Variants in ATP11A observed in about 807,000 individuals in gnomAD.
ATP11A encodes ATPase phospholipid transporting 11A, also known as phospholipid-transporting ATPase IH.
Under a neutral mutation model 154.4 loss-of-function variants are expected in ATP11A, and 81 were observed. The observed-to-expected ratio is 0.52, with a 90% CI of 0.44 to 0.63. The LOEUF (loss-of-function observed/expected upper bound fraction) is 0.63. ATP11A is among the 30% of genes least tolerant of loss of function. The pLI is 0.00. For missense variants in ATP11A, 1,316 were observed against 1,474.3 expected, an observed-to-expected ratio of 0.89 and a Z score of 1.76; for synonymous variants, 623 against 585.9, an observed-to-expected ratio of 1.06 and a Z score of -0.91.
intron 28 of ATP11A, 129 bp from the exon 29 acceptor site, chr13:112,878,087 CT>C (rs1488812043): frequency 1.7e-5 from 15 of 858,164 alleles, no homozygotes; most frequent in Non-Finnish European, 2.3e-5. Context: ...TGGCGAGCCT[CT>C]GACTAACTCA....
At chr13:112,716,112 C>T (rs868230828) in intron 1 of ATP11A, among the ~76,000 whole-genome samples, 97 of 152,132 alleles carry the variant, frequency 6.4e-4, no homozygotes, top group African/African-American at 2.0e-3. Flanking sequence ...GTGGCTGCTC[C>T]GTCTTCTGAG....
At chr13:112,747,614 T>A (rs1372472254) in intron 1 of ATP11A, among the ~76,000 whole-genome samples, 2 of 152,192 alleles carry the variant, frequency 1.3e-5, no homozygotes, top group African/African-American at 2.4e-5. Flanking sequence ...GGCCGGCGGA[T>A]CACTTGAGGT....
chr13:112,869,021 A>C (rs1372024688), intron 25 of ATP11A, among the ~76,000 whole-genome samples: 2 of 152,048 alleles, frequency 1.3e-5, no homozygotes, highest in South Asian at 2.1e-4. Flanking sequence ...TCCATGATTC[A>C]GTCACCTCCC....
chr13:112,846,948 C>T (rs2079627050), intron 17 of ATP11A, among the ~76,000 whole-genome samples: 1 of 152,220 alleles, frequency 6.6e-6, no homozygotes, highest in Non-Finnish European at 1.5e-5. Flanking sequence ...CCACCCTCCT[C>T]CTAATGGCTT....
At chr13:112,872,918 G>A (rs61961595) in intron 26 of ATP11A, among the ~76,000 whole-genome samples, 2 of 129,072 alleles carry the variant, frequency 1.5e-5, no homozygotes, top group Non-Finnish European at 3.4e-5. Flanking sequence ...GTCTTCCTGA[G>A]CGGTGTGAGG....
intron 26 of ATP11A, 137 bp downstream of exon 26, chr13:112,871,937 C>G: frequency 1.1e-6 from 1 of 920,174 alleles, no homozygotes; most frequent in Non-Finnish European, 1.7e-6. Flanking sequence ...TTGGCTGGCT[C>G]CTGGGGCACC....
intron 1 of ATP11A, among the ~76,000 whole-genome samples, chr13:112,781,742 C>T (rs1279173864): frequency 3.9e-5 from 4 of 102,226 alleles, no homozygotes; most frequent in South Asian, 3.2e-4. Flanking sequence ...AGTAGCTGTT[C>T]TTTTATTCAT....
chr13:112,694,032 C>T (rs1456325347), intron 1 of ATP11A, among the ~76,000 whole-genome samples: 2 of 152,190 alleles, frequency 1.3e-5, no homozygotes, highest in Non-Finnish European at 2.9e-5. Context: ...TGAGCAACAC[C>T]GATTCAGGTA....
intron 1 of ATP11A, among the ~76,000 whole-genome samples, chr13:112,707,062 A>T (rs1013000515): frequency 6.6e-6 from 1 of 152,224 alleles, no homozygotes; most frequent in Non-Finnish European, 1.5e-5. Context: ...CATCAGCACC[A>T]CATTGGGCCC....
At chr13:112,780,782 A>C (rs1215854477) in intron 1 of ATP11A, among the ~76,000 whole-genome samples, 1 of 152,086 alleles carries the variant, frequency 6.6e-6, no homozygotes, top group Non-Finnish European at 1.5e-5. Flanking sequence ...AGTCATTAGG[A>C]AACCTGTTAC....
intron 8 of ATP11A, among the ~76,000 whole-genome samples, chr13:112,820,341 C>T (rs1042718839): frequency 1.3e-5 from 2 of 152,176 alleles, no homozygotes; most frequent in Admixed American, 6.5e-5. Flanking sequence ...ATTTGGAGGC[C>T]GTTTTTGGGA....
chr13:112,760,613 TC>T (rs1406100326), intron 1 of ATP11A, among the ~76,000 whole-genome samples: 2 of 152,220 alleles, frequency 1.3e-5, no homozygotes, highest in Non-Finnish European at 2.9e-5. Context: ...TATGCATTCA[TC>T]AGCTGGCCCT....
At chr13:112,705,928 G>A (rs2139527374) in intron 1 of ATP11A, among the ~76,000 whole-genome samples, 1 of 152,288 alleles carries the variant, frequency 6.6e-6, no homozygotes, top group African/African-American at 2.4e-5. Context: ...CCATTGTGAA[G>A]CGTACAGTTC....
chr13:112,773,597 G>A (rs1319159156), intron 1 of ATP11A, among the ~76,000 whole-genome samples: 1 of 152,226 alleles, frequency 6.6e-6, no homozygotes, highest in Non-Finnish European at 1.5e-5. Context: ...TGTGGCGGAT[G>A]GGGGTCCCAG....
At chr13:112,796,205 C>A (rs904487601) in intron 2 of ATP11A, among the ~76,000 whole-genome samples, 1 of 152,196 alleles carries the variant, frequency 6.6e-6, no homozygotes, top group African/African-American at 2.4e-5. Flanking sequence ...CCATCCAGAG[C>A]TCTTGCCTTT....
intron 1 of ATP11A, among the ~76,000 whole-genome samples, chr13:112,727,839 G>A (rs902738046): frequency 2.0e-5 from 3 of 152,250 alleles, no homozygotes; most frequent in African/African-American, 7.2e-5. Flanking sequence ...CCGGCGCTGG[G>A]CGAGGAACTC....
intron 16 of ATP11A, among the ~76,000 whole-genome samples, chr13:112,837,387 GC>G (rs1419834204): frequency 3.9e-5 from 6 of 152,228 alleles, no homozygotes; most frequent in Non-Finnish European, 8.8e-5. Context: ...ATAGCAGCGT[GC>G]AGGACATTGC....
intron 1 of ATP11A, among the ~76,000 whole-genome samples, chr13:112,765,939 T>C (rs1415275954): frequency 6.6e-6 from 1 of 152,244 alleles, no homozygotes; most frequent in Non-Finnish European, 1.5e-5. Flanking sequence ...GCGGCTTCCT[T>C]GCAGGCCGGT....
At position 112,780,106 on chromosome 13, in the gene ATP11A, G is replaced by A. The variant is rs1001718858; in HGVS notation, c.40-5029G>A. Among the ~76,000 whole-genome samples the A allele has an allele frequency of 4.0e-5, 6 of 150,146 alleles. 1 individual carries two copies. The highest frequency in any genetic ancestry group is 1.0e-4 in the African/African-American group (4 of 39,664). On this transcript the variant is annotated intron_variant, in intron 1 of 29. Transcript: ENST00000375645. ...GAGAAAGTGTGGAAATAATGATCTC[G>A]TGTGCAAACCATGCATGCCTTTCAT... is the stretch of plus-strand genomic sequence containing the variant.
Sources: gnomAD v4.1 joint callset for allele counts (sites outside exome capture counted in the v4.1 genomes callset) on GRCh38, gnomAD v4.1.1 for gene constraint, MANE v1.5 for transcripts, NCBI Gene and HGNC (gene_info 2026-07-23, HGNC 2026-07-21) for gene names.